MARCHF10: variants seen among roughly 807,000 people sequenced by gnomAD.
The protein encoded by MARCHF10 is membrane associated ring-CH-type finger 10.
Under a neutral mutation model 76.2 loss-of-function variants are expected in MARCHF10, and 64 were observed. The ratio of observed to expected loss-of-function variants is 0.84; its 90% confidence interval spans 0.69 to 1.03. The LOEUF (loss-of-function observed/expected upper bound fraction) is 1.03, where lower values mean the gene tolerates loss of function less well. Ranked by LOEUF, MARCHF10 falls within the 50% of genes least tolerant of loss-of-function variation. MARCHF10 has a pLI of 0.00. For missense variants in MARCHF10, 875 were observed against 958.0 expected (o/e 0.91, Z 1.14); for synonymous variants, 340 against 357.5 (o/e 0.95, Z 0.55).
chr17:62,804,424 C>A (rs978401425), intron 1 of MARCHF10, among the ~76,000 whole-genome samples: 1 of 152,022 alleles, frequency 6.6e-6, no homozygotes, highest in Non-Finnish European at 1.5e-5. Flanking sequence ...ATTTAGAGAA[C>A]AAGCCGCTGA....
chr17:62,711,268 A>C lies in MARCHF10; in HGVS notation c.2291T>G (p.Leu764Arg). 1 of 1,614,054 alleles carries C rather than the reference A, an allele frequency of 6.2e-7. No individual in the cohort carries two copies. Among genetic ancestry groups the C allele is most frequent in the Non-Finnish European group, 8.5e-7 (1 of 1,179,938 alleles). Residue 764 changes from leucine (L) to arginine (R), a missense_variant, in exon 9 of 11, where the codon CTC (leucine) becomes CGC (arginine). Transcript: ENST00000311269. This position sits in a 1 kb window ranked among gnomAD's most constrained non-coding sequence, Gnocchi z 4.4. ...CACCTGGTTGTGGTTGAGCCTCATG[A>C]GTTCTGCAAACCTCTGCTCATAGAG... ...LHLYEQRFAE[L>R]MRLNHNQVER...
chr17:62,784,413 C>T (rs1429175126), intron 3 of MARCHF10, among the ~76,000 whole-genome samples: 9 of 152,150 alleles, frequency 5.9e-5, no homozygotes, highest in Admixed American at 5.2e-4. Flanking sequence ...CCACAGCCAA[C>T]ATCATACTGA....
chr17:62,730,891 TCAACAACAA>T (rs34266869), intron 6 of MARCHF10, among the ~76,000 whole-genome samples: 2 of 150,484 alleles, frequency 1.3e-5, no homozygotes, highest in African/African-American at 2.4e-5. Flanking sequence ...AGACTCCATC[TCAACAACAA>T]CAACAACAAC....
intron 3 of MARCHF10, 124 bp from the exon 4 acceptor site, chr17:62,760,130 G>A: frequency 2.7e-6 from 2 of 752,046 alleles, no homozygotes; most frequent in Non-Finnish European, 4.4e-6. Flanking sequence ...TCTTCTGCCA[G>A]GTCAACACGC....
rs761300443 is a variant in MARCHF10, at chr17:62,705,580, A to G, written c.2330T>C (p.Leu777Ser). The stretch of plus-strand genomic sequence containing the variant: ...TCTGGGTTGTGGGTAATTTCTTGAC[A>G]ACTACAAGAAAGAAGACAATGAGAA... Reference protein sequence around the residue: ...LNHNQVERERLSRNYPQPRTE... With the variant: ...LNHNQVERERSSRNYPQPRTE... The change falls in exon 10 of 11, where the codon TTG becomes TCG. Residue 777 changes from leucine to serine, a missense_variant and splice_region_variant. Transcript: ENST00000311269. 1.2e-6 allele frequency: 2 copies of G among 1,613,874 alleles called. No individual in the cohort carries two copies. The highest frequency in any genetic ancestry group is 2.2e-5 in the East Asian group (1 of 44,890).
intron 5 of MARCHF10, among the ~76,000 whole-genome samples, chr17:62,740,084 G>A (rs1275560322): frequency 1.3e-5 from 1 of 76,070 alleles, no homozygotes; most frequent in African/African-American, 3.9e-5. Context: ...GTGTGTGTGC[G>A]TGTGTGTGTG....
intron 9 of MARCHF10, among the ~76,000 whole-genome samples, chr17:62,710,125 G>C (rs1192763032): frequency 6.6e-6 from 1 of 152,126 alleles, no homozygotes; most frequent in African/African-American, 2.4e-5. Flanking sequence ...ACTGTTTGTC[G>C]TTTGTCATGT....
In MARCHF10 at chr17:62,725,094, C is replaced by T. The variant is rs1489854936; in HGVS notation, c.1948G>A (p.Glu650Lys). 1 of 1,589,372 alleles carries T rather than the reference C, an allele frequency of 6.3e-7. No homozygotes were observed. Among genetic ancestry groups the T allele is most frequent in the Non-Finnish European group, 8.5e-7 (1 of 1,172,020 alleles). The change falls in exon 7 of 11, where the codon GAG becomes AAG. Residue 650 changes from glutamate to lysine, a missense_variant. Coordinates refer to ENST00000311269, the MANE Select transcript of MARCHF10 (RefSeq NM_152598.4). ...AAGTCTCCCTCCTCCTCGGAGTCCT[C>T]CTCCAGGAGACTAAATGTGAAAACA... ...LKKLQESLLE[E>K]DSEEEGDLCR...
At chr17:62,744,594 C>T (rs770189777) in intron 4 of MARCHF10, 66 bp from the exon 5 acceptor site, 36 of 1,566,784 alleles carry the variant, frequency 2.3e-5, no homozygotes, top group Admixed American at 3.5e-5. Flanking sequence ...ATATAAAGAA[C>T]GTTCAAAGGG....
intron 5 of MARCHF10, among the ~76,000 whole-genome samples, chr17:62,739,951 T>G (rs186872258): frequency 3.3e-5 from 5 of 152,144 alleles, no homozygotes; most frequent in African/African-American, 1.2e-4. Flanking sequence ...GTATGCGCGG[T>G]GTTGCGGCTC....
intron 3 of MARCHF10, among the ~76,000 whole-genome samples, chr17:62,776,481 C>T (rs139233104): frequency 6.6e-6 from 1 of 152,238 alleles, no homozygotes; most frequent in Non-Finnish European, 1.5e-5. Context: ...AATGTCATGC[C>T]CTATTTTAAA....
At chr17:62,753,656 T>A (rs1446389667) in intron 4 of MARCHF10, among the ~76,000 whole-genome samples, 1 of 152,196 alleles carries the variant, frequency 6.6e-6, no homozygotes, top group Non-Finnish European at 1.5e-5. Context: ...GCACACTCAG[T>A]ACCTGCTGCC....
Position 62,737,074 on chromosome 17 carries a change from C to T in MARCHF10, c.794G>A (p.Arg265Lys), listed in dbSNP as rs774433495. Reference protein sequence around the residue: ...PLTPTTVGGPRKASFRFRDED... With the variant: ...PLTPTTVGGPKKASFRFRDED... The stretch of plus-strand genomic sequence containing the variant: ...ATCTCGGAACCTAAATGATGCCTTT[C>T]TTGGCCCTCCTACAGTGGTGGGTGT... The change falls in exon 6 of 11, where the codon AGA becomes AAA. Residue 265 changes from arginine (R) to lysine (K), a missense_variant. Arg to Lys is a conservative substitution (Grantham distance 26, BLOSUM62 2). Coordinates refer to ENST00000311269, the MANE Select transcript of MARCHF10 (RefSeq NM_152598.4). 6.2e-7 allele frequency: 1 copy of T among 1,614,106 alleles called. No homozygotes were observed. The highest frequency in any genetic ancestry group is 1.3e-5 in the African/African-American group (1 of 75,028).
At chr17:62,750,139 C>G (rs992115970) in intron 4 of MARCHF10, 1 of 153,446 alleles carries the variant, frequency 6.5e-6, no homozygotes, top group Non-Finnish European at 1.5e-5. Flanking sequence ...CACCTGCCTT[C>G]CGGAAGCCCG....
rs1227458207 is a variant in MARCHF10, at chr17:62,704,041, G to A, written c.2371+1498C>T. 3.3e-5 allele frequency among the ~76,000 whole-genome samples: 5 copies of A among 151,386 alleles called. No homozygotes were observed. In the East Asian group the frequency reaches 7.7e-4, roughly 23 times the overall value. On this transcript the variant is annotated intron_variant, in intron 10 of 10. Coordinates refer to ENST00000311269, the MANE Select transcript of MARCHF10 (RefSeq NM_152598.4). Reference sequence around the variant, plus strand: ...AGCGAGGCGTCTCCGGGGCGGGGCTGGGGAGGGGGCGCCTGGGCGCGGCGC... The same window carrying A: ...AGCGAGGCGTCTCCGGGGCGGGGCTAGGGAGGGGGCGCCTGGGCGCGGCGC...
At chr17:62,735,856 G>T in intron 6 of MARCHF10, 75 bp downstream of exon 6, 2 of 1,369,918 alleles carry the variant, frequency 1.5e-6, no homozygotes, top group Non-Finnish European at 1.0e-6. Flanking sequence ...AAATTCCCAT[G>T]GCTCTCTAAC....
chr17:62,801,799 G>A (rs1276369850), intron 1 of MARCHF10, 47 bp from the exon 2 acceptor site: 17 of 1,308,940 alleles, frequency 1.3e-5, no homozygotes, highest in East Asian at 4.6e-5. Context: ...GTCCTTTGTC[G>A]TGATGCCGTA....
At chr17:62,757,260 G>C (rs1195506013) in intron 4 of MARCHF10, among the ~76,000 whole-genome samples, 7 of 152,094 alleles carry the variant, frequency 4.6e-5, no homozygotes, top group African/African-American at 1.7e-4. Flanking sequence ...CAGAATCTCA[G>C]GTCTGACATG....
Position 62,736,051 on chromosome 17 carries a change from A to C in MARCHF10, c.1817T>G (p.Val606Gly). Residue 606 changes from valine to glycine, a missense_variant, in exon 6 of 11, where the codon GTG becomes GGG. Coordinates refer to ENST00000311269, the MANE Select transcript of MARCHF10 (RefSeq NM_152598.4). ...ATCATTTTGATTTGGGAAATGAGAC[A>C]CTGCAAAGAAAGTAAATGGTGTATT... ...QENTPFTFFA[V>G]SHFPNQNDNG... 6.2e-7 allele frequency: 1 copy of C among 1,614,186 alleles called. No individual in the cohort carries two copies. Among genetic ancestry groups the C allele is most frequent in the South Asian group, 1.1e-5 (1 of 91,084 alleles).
Sources: allele counts gnomAD v4.1 joint callset (sites outside exome capture counted in the v4.1 genomes callset), GRCh38; gene constraint gnomAD v4.1.1; non-coding constraint Gnocchi (gnomAD v3.1); transcripts MANE v1.5; gene names NCBI Gene and HGNC (gene_info 2026-07-23, HGNC 2026-07-21).